The following CHCHD3 variants were observed in gnomAD, a reference collection of about 807,000 sequenced individuals.
CHCHD3 encodes the protein coiled-coil-helix-coiled-coil-helix domain containing 3.
In CHCHD3, 20 loss-of-function variants were observed where a neutral mutation model predicts 38.2. That is an observed-to-expected ratio of 0.52 (90% CI 0.37 to 0.76). The LOEUF (loss-of-function observed/expected upper bound fraction) is 0.76. CHCHD3 is among the 30% of genes least tolerant of loss of function. CHCHD3 has a pLI of 0.00. For missense variants in CHCHD3, 245 were observed against 279.2 expected, an observed-to-expected ratio of 0.88 and a Z score of 0.87; for synonymous variants, 82 against 100.0, an observed-to-expected ratio of 0.82 and a Z score of 1.07.
At chr7:132,943,484 C>T (rs1347053952) in intron 4 of CHCHD3, among the ~76,000 whole-genome samples, 2 of 152,022 alleles carry the variant, frequency 1.3e-5, no homozygotes, top group Non-Finnish European at 2.9e-5. Context: ...AGATAAATTA[C>T]TTATTCAAAA....
At chr7:132,820,827 C>A (rs1807356248) in intron 6 of CHCHD3, among the ~76,000 whole-genome samples, 1 of 151,858 alleles carries the variant, frequency 6.6e-6, no homozygotes, top group Admixed American at 6.6e-5. Context: ...ACACTACCAA[C>A]CTATCGTTGT....
At chr7:133,022,371 C>A (rs766704406) in intron 3 of CHCHD3, 7 of 456,362 alleles carry the variant, frequency 1.5e-5, no homozygotes, top group Non-Finnish European at 3.1e-5. Context: ...TCTAAAACTG[C>A]CTATAAATCT....
intron 2 of CHCHD3, among the ~76,000 whole-genome samples, chr7:133,063,003 C>T (rs1814563825): frequency 6.6e-6 from 1 of 152,194 alleles, no homozygotes; most frequent in African/African-American, 2.4e-5. Context: ...TCAGAACCTA[C>T]CAAGCTTTAT....
At position 132,953,297 on chromosome 7, in the gene CHCHD3, G is replaced by A. The variant is rs117870435; in HGVS notation, c.369+21872C>T. ...GCCACAGCATGGAGAAACAGAGCCT[G>A]TCACCTGTCTACCTTCGGGGAGGCT... On this transcript the variant is annotated intron_variant, in intron 4 of 7. Transcript: ENST00000262570. Among the ~76,000 whole-genome samples, 1,489 of 152,306 alleles carry A rather than the reference G, an allele frequency of 9.8e-3. 12 individuals carry two copies. The highest frequency in any genetic ancestry group is 0.066 in the South Asian group (319 of 4,820).
intron 3 of CHCHD3, among the ~76,000 whole-genome samples, chr7:132,994,917 C>T (rs561246275): frequency 3.7e-4 from 57 of 152,310 alleles, no homozygotes; most frequent in Non-Finnish European, 6.5e-4. Flanking sequence ...TGCTCCACAG[C>T]GCATTCTCCT....
At chr7:132,796,134 T>A (rs2241439) in intron 7 of CHCHD3, among the ~76,000 whole-genome samples, 1 of 151,942 alleles carries the variant, frequency 6.6e-6, no homozygotes, top group Non-Finnish European at 1.5e-5. Flanking sequence ...CCTAAAAGTA[T>A]GAGGAATGAC....
intron 4 of CHCHD3, among the ~76,000 whole-genome samples, chr7:132,899,510 T>C (rs889713814): frequency 4.6e-5 from 7 of 152,220 alleles, no homozygotes; most frequent in African/African-American, 1.7e-4. Flanking sequence ...AACAAAATGA[T>C]GACAGCAAAC....
chr7:132,921,228 T>A (rs886830380), intron 4 of CHCHD3, among the ~76,000 whole-genome samples: 3 of 152,202 alleles, frequency 2.0e-5, no homozygotes. Context: ...GGTCTATATA[T>A]ACATTAAGCA....
intron 4 of CHCHD3, among the ~76,000 whole-genome samples, chr7:132,909,759 C>A (rs955110348): frequency 2.6e-5 from 4 of 152,174 alleles, no homozygotes. Flanking sequence ...ATTATTAACA[C>A]AACTACCTTT....
At chr7:132,896,381 T>C (rs980169749) in intron 4 of CHCHD3, among the ~76,000 whole-genome samples, 13 of 152,230 alleles carry the variant, frequency 8.5e-5, no homozygotes, top group African/African-American at 2.9e-4. Flanking sequence ...TACCTGTTGT[T>C]AAATATTTTA....
chr7:132,876,591 T>C (rs556059252), intron 5 of CHCHD3, among the ~76,000 whole-genome samples: 228 of 152,308 alleles, frequency 1.5e-3, no homozygotes, highest in Middle Eastern at 6.8e-3. Context: ...CCCATATTGT[T>C]GGCATCTCAG....
intron 6 of CHCHD3, among the ~76,000 whole-genome samples, chr7:132,832,076 A>G (rs1807665044): frequency 6.6e-6 from 1 of 152,224 alleles, no homozygotes; most frequent in South Asian, 2.1e-4. Flanking sequence ...AAGAAAAAAA[A>G]ATCAAGGACA....
intron 5 of CHCHD3, among the ~76,000 whole-genome samples, chr7:132,881,480 A>T (rs1809055498): frequency 6.6e-6 from 1 of 152,192 alleles, no homozygotes; most frequent in Admixed American, 6.5e-5. Context: ...TTGCTGTGTT[A>T]ATCTAGTTGA....
intron 7 of CHCHD3, among the ~76,000 whole-genome samples, chr7:132,789,384 G>C (rs905943354): frequency 2.0e-5 from 3 of 152,188 alleles, no homozygotes; most frequent in Non-Finnish European, 4.4e-5. Context: ...CAAAAGAAGA[G>C]AGTGGTTCAG....
intron 3 of CHCHD3, among the ~76,000 whole-genome samples, chr7:133,019,008 C>T (rs1455797284): frequency 6.6e-6 from 1 of 151,302 alleles, no homozygotes; most frequent in Non-Finnish European, 1.5e-5. Flanking sequence ...CTCAGCCTCC[C>T]GAGTAGCTGG....
At chr7:133,027,454 GA>G in intron 2 of CHCHD3, among the ~76,000 whole-genome samples, 4 of 137,250 alleles carry the variant, frequency 2.9e-5, no homozygotes, top group Admixed American at 2.2e-4. Flanking sequence ...GGGAGGGGGG[GA>G]GAGGAAGAGG....
At chr7:132,985,551 T>C (rs1295778714) in intron 3 of CHCHD3, among the ~76,000 whole-genome samples, 3 of 57,250 alleles carry the variant, frequency 5.2e-5, no homozygotes, top group African/African-American at 1.5e-4. Flanking sequence ...AGGAGGGAGG[T>C]GGGGGGGTCA....
intron 3 of CHCHD3, among the ~76,000 whole-genome samples, chr7:133,004,444 G>GT (rs1812649786): frequency 6.6e-6 from 1 of 152,190 alleles, no homozygotes; most frequent in Non-Finnish European, 1.5e-5. Flanking sequence ...AAAGCAAAAG[G>GT]TAAGTGACAG....
chr7:132,889,298 T>C lies in CHCHD3; in HGVS notation c.370-3553A>G, dbSNP rs183109782. Among the ~76,000 whole-genome samples, 8 of 152,206 alleles carry C rather than the reference T, an allele frequency of 5.3e-5. No homozygotes were observed. The East Asian group carries it at 1.5e-3, about 29-fold the overall frequency. On this transcript the variant is annotated intron_variant, in intron 4 of 7. Transcript: ENST00000262570. ...CTATTAAAACACTCATACTAGGTAA[T>C]GTTCCCTTTGTTCACAAAGTGAGAT...
Sources: gnomAD v4.1 joint callset for allele counts (sites outside exome capture counted in the v4.1 genomes callset) on GRCh38, gnomAD v4.1.1 for gene constraint, MANE v1.5 for transcripts, NCBI Gene and HGNC (gene_info 2026-07-23, HGNC 2026-07-21) for gene names.